The following NHSL3 variants were observed in gnomAD, a reference collection of about 807,000 sequenced individuals.
NHSL3 encodes NHS like 3.
the NHSL3 span, among the ~76,000 whole-genome samples, chr1:32,754,559 G>A: frequency 6.6e-6 from 1 of 151,996 alleles, no homozygotes; most frequent in Admixed American, 6.5e-5. Flanking sequence ...ACACCCACGC[G>A]CAGATCCAGA....
the NHSL3 span, chr1:32,771,006 G>T: frequency 3.0e-6 from 4 of 1,351,846 alleles, no homozygotes; most frequent in Non-Finnish European, 3.9e-6. Flanking sequence ...GCAAGGCCCA[G>T]CCCCCTAAAC....
At chr1:32,772,716 A>T in the NHSL3 span, 2 of 854,426 alleles carry the variant, frequency 2.3e-6, no homozygotes, top group Non-Finnish European at 3.9e-6. Context: ...GTGTCTGAAC[A>T]TGTGTAGGGT....
At chr1:32,772,833 CT>C in the NHSL3 span, 1 of 1,612,910 alleles carries the variant, frequency 6.2e-7, no homozygotes, top group Non-Finnish European at 8.5e-7. Context: ...CAGGAGGCCC[CT>C]TGCTAAGTGT....
At chr1:32,774,871 A>C in the NHSL3 span, 1 of 152,666 alleles carries the variant, frequency 6.6e-6, no homozygotes, top group Admixed American at 6.5e-5. Context: ...TGAGTCTTTG[A>C]TATGTCTAAA....
the NHSL3 span, among the ~76,000 whole-genome samples, chr1:32,753,355 C>T: frequency 1.3e-5 from 2 of 151,630 alleles, no homozygotes; most frequent in African/African-American, 2.4e-5. Flanking sequence ...CATGGTGGTG[C>T]GCACCTGTAG....
At chr1:32,771,442 T>C in the NHSL3 span, 8 of 1,449,768 alleles carry the variant, frequency 5.5e-6, no homozygotes, top group Non-Finnish European at 7.4e-6. Context: ...GGAGGCACCA[T>C]CTGCCTCAGA....
the NHSL3 span, chr1:32,769,561 A>G: frequency 1.1e-5 from 9 of 850,782 alleles, 1 homozygote; most frequent in East Asian, 2.6e-5. Flanking sequence ...GCCCATACCT[A>G]CTTGACTGTG....
chr1:32,762,739 G>A, the NHSL3 span, among the ~76,000 whole-genome samples: 2 of 151,946 alleles, frequency 1.3e-5, no homozygotes, highest in African/African-American at 4.8e-5. Flanking sequence ...ACAGGCGCCC[G>A]CCACCGCGCC....
the NHSL3 span, among the ~76,000 whole-genome samples, chr1:32,756,718 C>T: frequency 6.7e-6 from 1 of 148,578 alleles, no homozygotes; most frequent in African/African-American, 2.5e-5. Context: ...CCTGTAATCC[C>T]AGCACTTTAG....
At chr1:32,769,720 G>GGGC in the NHSL3 span, 1 of 1,614,100 alleles carries the variant, frequency 6.2e-7, no homozygotes, top group Non-Finnish European at 8.5e-7. Context: ...TGGAAAGTCA[G>GGGC]GGCGGCGTCG....
At chr1:32,771,486 GCCCCCT>G in the NHSL3 span, 1 of 1,576,088 alleles carries the variant, frequency 6.3e-7, no homozygotes, top group Non-Finnish European at 8.6e-7. Context: ...ATCCCAACTG[GCCCCCT>G]CCCCCACCCC....
chr1:32,771,746 C>G, the NHSL3 span: 1 of 1,613,790 alleles, frequency 6.2e-7, no homozygotes, highest in Non-Finnish European at 8.5e-7. Context: ...GCCAAGCTCC[C>G]TCAGAAGGAA....
At chr1:32,772,870 CAGAA>C in the NHSL3 span, 7 of 1,613,986 alleles carry the variant, frequency 4.3e-6, no homozygotes, top group African/African-American at 1.3e-5. Flanking sequence ...CCCAGACTCA[CAGAA>C]AGAGCTGGCC....
At chr1:32,749,174 G>C in the NHSL3 span, among the ~76,000 whole-genome samples, 74 of 152,296 alleles carry the variant, frequency 4.9e-4, no homozygotes, top group African/African-American at 1.7e-3. Context: ...TGGCGCTTGA[G>C]CTGAAATGGA....
chr1:32,754,008 T>G, the NHSL3 span: 3 of 455,508 alleles, frequency 6.6e-6, no homozygotes, highest in East Asian at 1.2e-4. Flanking sequence ...CGAGTCTCGC[T>G]GCCTCCCTCC....
At chr1:32,758,799 A>G in the NHSL3 span, among the ~76,000 whole-genome samples, 4 of 151,918 alleles carry the variant, frequency 2.6e-5, no homozygotes, top group African/African-American at 9.7e-5. Flanking sequence ...CTGGCTCAGG[A>G]TCATGTTGCA....
At chr1:32,768,000 G>A in the NHSL3 span, 2 of 1,612,602 alleles carry the variant, frequency 1.2e-6, no homozygotes, top group Non-Finnish European at 1.7e-6. Context: ...TCCCTCCAGT[G>A]CTGCACTGTC....
At chr1:32,771,782 G>T in the NHSL3 span, 1 of 1,613,486 alleles carries the variant, frequency 6.2e-7, no homozygotes, top group South Asian at 1.1e-5. Flanking sequence ...AAGGGTGGTG[G>T]GCCTCCCAGG....
the NHSL3 span, among the ~76,000 whole-genome samples, chr1:32,747,309 G>A: frequency 2.0e-5 from 3 of 151,882 alleles, no homozygotes; most frequent in Non-Finnish European, 4.4e-5. Context: ...CTTCAGCCTG[G>A]GACTACAGGT....
Sources: allele counts gnomAD v4.1 joint callset (sites outside exome capture counted in the v4.1 genomes callset), GRCh38; gene constraint gnomAD v4.1.1; transcripts MANE v1.5; gene names NCBI Gene and HGNC (gene_info 2026-07-23, HGNC 2026-07-21).